Variants in CDK13 observed in about 807,000 individuals in gnomAD.
The protein encoded by CDK13 is cyclin-dependent kinase 13.
A neutral mutation model predicts 137.6 loss-of-function variants in CDK13; 40 were observed. The ratio of observed to expected loss-of-function variants is 0.29; its 90% CI spans 0.23 to 0.38. The LOEUF (loss-of-function observed/expected upper bound fraction) is 0.38, where lower values mean the gene tolerates loss of function less well. CDK13 is among the 10% of genes least tolerant of loss of function. CDK13 has a pLI of 1.00. For synonymous variants in CDK13, 869 were observed against 760.1 expected, an observed-to-expected ratio of 1.14 and a Z score of -2.36; for missense variants, 1,704 against 1,951.8, an observed-to-expected ratio of 0.87 and a Z score of 2.39.
chr7:39,964,338 T>G (rs892937356), intron 1 of CDK13, among the ~76,000 whole-genome samples: 13 of 152,192 alleles, frequency 8.5e-5, no homozygotes, highest in African/African-American at 3.1e-4. Context: ...TCTTCCTGGT[T>G]TAGTCTTGGG....
At chr7:40,017,942 TC>T (rs1159905769) in intron 5 of CDK13, among the ~76,000 whole-genome samples, 5 of 151,868 alleles carry the variant, frequency 3.3e-5, no homozygotes, top group Admixed American at 3.3e-4. Context: ...TTTTTTAAAT[TC>T]CCACATGTTC....
At chr7:39,963,035 T>C (rs1783785357) in intron 1 of CDK13, among the ~76,000 whole-genome samples, 1 of 152,212 alleles carries the variant, frequency 6.6e-6, no homozygotes, top group Admixed American at 6.5e-5. Flanking sequence ...AGCCTTGTAG[T>C]ATAGTTTGAA....
At chr7:40,085,567 G>A (rs1786770454) in intron 11 of CDK13, 1 of 152,508 alleles carries the variant, frequency 6.6e-6, no homozygotes. Flanking sequence ...TGAATTTAAG[G>A]TATCCCAACA....
In CDK13 at chr7:39,951,597, T is replaced by A; in HGVS notation, c.956T>A (p.Leu319Gln). The A allele has an allele frequency of 6.7e-7, 1 of 1,490,014 alleles. No individual in the cohort carries two copies. The highest frequency in any genetic ancestry group is 1.3e-5 in the South Asian group (1 of 76,312). 92.3% of individuals were successfully genotyped at this position (1,490,014 alleles called of 1,614,324 possible). A position where few individuals can be genotyped will look rare whatever the true frequency, so the allele number is the denominator to read the frequency against. Residue 319 changes from leucine (L) to glutamine (Q), a missense_variant, in exon 1 of 14, where the codon CTG becomes CAG. Leu to Gln is a moderately radical substitution (Grantham distance 113). Coordinates refer to ENST00000181839, the MANE Select transcript of CDK13 (RefSeq NM_003718.5). Reference protein sequence around the residue: ...AYRRRRSLSPLGGRDDSPVSH... With the variant: ...AYRRRRSLSPQGGRDDSPVSH... ...AGGCGGCGGCGGTCCCTCAGCCCAC[T>A]GGGAGGCCGGGACGACAGCCCGGTG...
At chr7:39,986,870 C>G (rs1784348135) in intron 1 of CDK13, 1 of 152,080 alleles carries the variant, frequency 6.6e-6, no homozygotes, top group Non-Finnish European at 1.5e-5. Context: ...GAATGGAGCC[C>G]TCCGCCTCCC....
chr7:40,048,181 GAAAACCTTTTAAATTGCATTTTTAA>G (rs1227973687), intron 7 of CDK13: 2 of 217,476 alleles, frequency 9.2e-6, no homozygotes, highest in Non-Finnish European at 1.8e-5. Flanking sequence ...TATTCTTAAT[GAAAACCTTTTAAATTGCATTTTTAA>G]ACTTATAAAC....
At chr7:39,967,193 T>G (rs1783891481) in intron 1 of CDK13, among the ~76,000 whole-genome samples, 1 of 152,050 alleles carries the variant, frequency 6.6e-6, no homozygotes, top group Non-Finnish European at 1.5e-5. Context: ...TTTGGGAGCC[T>G]GAGGTGGGCA....
At chr7:40,062,689 CTG>C (rs1786181694) in intron 7 of CDK13, 135 bp from the exon 8 acceptor site, 1 of 693,018 alleles carries the variant, frequency 1.4e-6, no homozygotes, top group Admixed American at 2.3e-5. Context: ...CTTTGGATGT[CTG>C]TATTTTTTAG....
intron 1 of CDK13, among the ~76,000 whole-genome samples, chr7:39,964,385 A>G (rs1783820559): frequency 6.6e-6 from 1 of 152,142 alleles, no homozygotes; most frequent in African/African-American, 2.4e-5. Flanking sequence ...CATTTCTTCT[A>G]GAGATTTTCT....
At chr7:40,027,758 G>A (rs180795093) in intron 5 of CDK13, among the ~76,000 whole-genome samples, 91 of 150,540 alleles carry the variant, frequency 6.0e-4, no homozygotes, top group African/African-American at 2.2e-3. Flanking sequence ...ACTCAGATTG[G>A]GCAGTTGGAG....
intron 2 of CDK13, among the ~76,000 whole-genome samples, chr7:39,991,484 AGTGTGTGTGTGTGTGT>A (rs66520870): frequency 9.0e-5 from 13 of 143,774 alleles, no homozygotes; most frequent in Non-Finnish European, 1.7e-4. Flanking sequence ...CATTAGCAAA[AGTGTGTGTGTGTGTGT>A]GTGTGTGTGT....
Position 40,078,603 on chromosome 7 carries a change from T to C in CDK13, c.2898-117T>C, listed in dbSNP as rs191148962. ...CATATTAAAAAAGTATTTACAATTA[T>C]TTTTAAATGATCTTAGTTTTAGTTT... On this transcript the variant is annotated intron_variant, in intron 10 of 13. Transcript: ENST00000181839. The C allele has an allele frequency of 1.8e-4, 86 of 478,932 alleles. No homozygotes were observed. In the East Asian group the frequency reaches 3.9e-3, roughly 22 times the overall value. 29.7% of individuals were successfully genotyped at this position (478,932 alleles called of 1,614,324 possible).
chr7:40,057,291 C>A (rs188174093), intron 7 of CDK13, among the ~76,000 whole-genome samples: 134 of 152,180 alleles, frequency 8.8e-4, no homozygotes, highest in Middle Eastern at 6.8e-3. Context: ...GTTGCTTACC[C>A]CTGTGCACAA....
intron 7 of CDK13, among the ~76,000 whole-genome samples, chr7:40,053,757 C>CT (rs202075128): frequency 3.3e-3 from 461 of 141,674 alleles, no homozygotes; most frequent in African/African-American, 8.9e-3. Context: ...CACCATTTTT[C>CT]TTTTTTTTTT....
Position 39,951,496 on chromosome 7 carries a change from G to A in CDK13, c.855G>A (p.Ser285=), listed in dbSNP as rs1337463467. The A allele has an allele frequency of 2.0e-6, 3 of 1,537,178 alleles. No homozygotes were observed. Among genetic ancestry groups the A allele is most frequent in the Non-Finnish European group, 2.6e-6 (3 of 1,143,134 alleles). ...AGGCCCACCGCAGCCGGACTAAGTCGTCCAAGGAGCCGCCTTCGGCCTACA... is the reference window on the plus strand; with the variant it reads ...AGGCCCACCGCAGCCGGACTAAGTCATCCAAGGAGCCGCCTTCGGCCTACA... ...DSKAHRSRTK[S]SKEPPSAYKE... The change falls in exon 1 of 14, where the codon TCG becomes TCA. Residue 285 remains serine, a synonymous_variant. Coordinates refer to ENST00000181839, the MANE Select transcript of CDK13 (RefSeq NM_003718.5).
chr7:39,984,513 A>C (rs1293576023), intron 1 of CDK13: 1 of 152,104 alleles, frequency 6.6e-6, no homozygotes, highest in Non-Finnish European at 1.5e-5. Context: ...GTAGATGTAT[A>C]TATTTATGGG....
At chr7:40,083,103 CAAAA>C (rs34744742) in intron 11 of CDK13, among the ~76,000 whole-genome samples, 6 of 100,416 alleles carry the variant, frequency 6.0e-5, no homozygotes, top group Admixed American at 1.1e-4. Flanking sequence ...ACTCTGTCTC[CAAAA>C]AAAAAAAAAA....
chr7:40,074,804 A>T (rs1054268707), intron 9 of CDK13, among the ~76,000 whole-genome samples: 1 of 151,804 alleles, frequency 6.6e-6, no homozygotes, highest in Non-Finnish European at 1.5e-5. Flanking sequence ...CTGGGGTAGC[A>T]GTGGAACCCT....
chr7:40,013,709 C>G (rs770671068), intron 5 of CDK13, among the ~76,000 whole-genome samples: 5 of 152,018 alleles, frequency 3.3e-5, no homozygotes, highest in Non-Finnish European at 5.9e-5. Context: ...TTGCAGAACT[C>G]CAAGTACACT....
Sources: allele counts gnomAD v4.1 joint callset (sites outside exome capture counted in the v4.1 genomes callset), GRCh38; gene constraint gnomAD v4.1.1; transcripts MANE v1.5; gene names NCBI Gene and HGNC (gene_info 2026-07-23, HGNC 2026-07-21).